Variants in GRM7 observed in about 807,000 individuals in gnomAD.
GRM7 encodes glutamate metabotropic receptor 7.
Under a neutral mutation model 84.5 loss-of-function variants are expected in GRM7, and 35 were observed. The observed-to-expected ratio is 0.41, with a 90% CI of 0.32 to 0.55. The LOEUF (loss-of-function observed/expected upper bound fraction) is 0.55, where lower values mean the gene tolerates loss of function less well. Among genes scored for constraint, GRM7 ranks in the 20% least tolerant of loss-of-function variants. The pLI is 0.19. For synonymous variants in GRM7, 487 were observed against 455.1 expected (o/e 1.07, Z -0.89); for missense variants, 1,003 against 1,194.6 (o/e 0.84, Z 2.36).
At chr3:7,387,117 G>A (rs1361339981) in intron 4 of GRM7, among the ~76,000 whole-genome samples, 1 of 151,780 alleles carries the variant, frequency 6.6e-6, no homozygotes, top group South Asian at 2.1e-4. Context: ...TCTTTTTAAA[G>A]GTCACCATTT....
intron 1 of GRM7, among the ~76,000 whole-genome samples, chr3:6,984,068 A>T (rs1236436086): frequency 6.6e-6 from 1 of 152,226 alleles, no homozygotes; most frequent in South Asian, 2.1e-4. Flanking sequence ...CAAAGCTCAC[A>T]TACTCAAAAA....
chr3:6,880,872 A>G (rs1282115453), intron 1 of GRM7, among the ~76,000 whole-genome samples: 1 of 152,212 alleles, frequency 6.6e-6, no homozygotes, highest in African/African-American at 2.4e-5. Context: ...TTGAAAGGTA[A>G]GCAATGTGTG....
chr3:7,332,130 G>C (rs1701233079), intron 4 of GRM7, among the ~76,000 whole-genome samples: 1 of 152,158 alleles, frequency 6.6e-6, no homozygotes, highest in African/African-American at 2.4e-5. Flanking sequence ...CACCACACCT[G>C]AGCAGGATAT....
At chr3:7,199,489 T>C (rs921046781) in intron 2 of GRM7, among the ~76,000 whole-genome samples, 1 of 152,252 alleles carries the variant, frequency 6.6e-6, no homozygotes, top group Non-Finnish European at 1.5e-5. Context: ...TGGAGTATCA[T>C]GCTATGCAGC....
rs372545266 is a variant in GRM7 at position 7,245,303 on chromosome 3, C to A, written c.737-53381C>A. ...AACAAGAACCTCTAGATCAAAGAAGCCAAACGAATCTCAGGCAGGGTAATA... is the reference window on the plus strand; with the variant it reads ...AACAAGAACCTCTAGATCAAAGAAGACAAACGAATCTCAGGCAGGGTAATA... On this transcript the variant is annotated intron_variant, in intron 2 of 9. Transcript: ENST00000357716. Among the ~76,000 whole-genome samples the A allele has an allele frequency of 5.9e-4, 89 of 151,830 alleles. 5 individuals are homozygous for A. The South Asian group carries it at 0.014, about 24-fold the overall frequency.
chr3:6,954,966 GGT>G (rs1692964875), intron 1 of GRM7, among the ~76,000 whole-genome samples: 1 of 152,098 alleles, frequency 6.6e-6, no homozygotes, highest in Non-Finnish European at 1.5e-5. Flanking sequence ...AATAAAGTGG[GGT>G]TAATAATATT....
intron 8 of GRM7, among the ~76,000 whole-genome samples, chr3:7,678,382 G>A (rs749068722): frequency 6.6e-6 from 1 of 152,096 alleles, no homozygotes; most frequent in Admixed American, 6.5e-5. Flanking sequence ...AGATCCCATA[G>A]GTTTGTTGAC....
At chr3:7,055,784 G>A (rs1697199106) in intron 1 of GRM7, among the ~76,000 whole-genome samples, 1 of 151,916 alleles carries the variant, frequency 6.6e-6, no homozygotes, top group Non-Finnish European at 1.5e-5. Flanking sequence ...TCCTCCCAAA[G>A]TGCTGAGATT....
chr3:7,142,748 T>C (rs1178429665), intron 1 of GRM7, among the ~76,000 whole-genome samples: 3 of 152,178 alleles, frequency 2.0e-5, no homozygotes, highest in African/African-American at 7.2e-5. Context: ...AAAATTAACC[T>C]GTTTTCTTGT....
At chr3:6,996,583 C>T (rs1048681476) in intron 1 of GRM7, among the ~76,000 whole-genome samples, 31 of 152,242 alleles carry the variant, frequency 2.0e-4, no homozygotes, top group South Asian at 2.1e-4. Flanking sequence ...TTGGGTAAAA[C>T]GTCACAACTT....
At chr3:6,930,850 T>C (rs966263726) in intron 1 of GRM7, among the ~76,000 whole-genome samples, 30 of 152,232 alleles carry the variant, frequency 2.0e-4, no homozygotes, top group African/African-American at 7.0e-4. Flanking sequence ...TTTGAGAATA[T>C]ACTAGCTGCT....
intron 1 of GRM7, among the ~76,000 whole-genome samples, chr3:7,069,705 T>C (rs11919292): frequency 0.13 from 19,953 of 152,072 alleles, 1,942 homozygotes; most frequent in African/African-American, 0.28. Context: ...GGTTGTACAG[T>C]GTGGATTTCT....
At chr3:7,725,766 T>C (rs1463669729) in intron 9 of GRM7, among the ~76,000 whole-genome samples, 1 of 152,236 alleles carries the variant, frequency 6.6e-6, no homozygotes, top group Non-Finnish European at 1.5e-5. Context: ...TGGCTGGGGC[T>C]GTCCACTTTC....
intron 1 of GRM7, among the ~76,000 whole-genome samples, chr3:7,040,738 A>G (rs1441497778): frequency 6.6e-6 from 1 of 152,090 alleles, no homozygotes; most frequent in Non-Finnish European, 1.5e-5. Flanking sequence ...TTAGAAATGT[A>G]GATCCTTAGG....
intron 8 of GRM7, among the ~76,000 whole-genome samples, chr3:7,588,848 T>C (rs185781686): frequency 6.6e-6 from 1 of 152,342 alleles, no homozygotes; most frequent in Non-Finnish European, 1.5e-5. Flanking sequence ...AACTGAGATG[T>C]GATCTCACGT....
At chr3:7,655,982 C>T (rs181452371) in intron 8 of GRM7, among the ~76,000 whole-genome samples, 49 of 152,250 alleles carry the variant, frequency 3.2e-4, no homozygotes, top group Non-Finnish European at 5.9e-4. Flanking sequence ...ACCTCAGCAT[C>T]CCAACCCATA....
At chr3:6,882,640 T>A (rs1336873546) in intron 1 of GRM7, among the ~76,000 whole-genome samples, 1 of 152,232 alleles carries the variant, frequency 6.6e-6, no homozygotes, top group Non-Finnish European at 1.5e-5. Flanking sequence ...TTTTTGTTTG[T>A]GGGGGTACAC....
chr3:7,159,358 G>A (rs902926994), intron 2 of GRM7, among the ~76,000 whole-genome samples: 2 of 152,180 alleles, frequency 1.3e-5, no homozygotes, highest in Non-Finnish European at 2.9e-5. Flanking sequence ...AGCTTTTGCA[G>A]CATGCAAGGA....
intron 2 of GRM7, among the ~76,000 whole-genome samples, chr3:7,279,099 G>A (rs2124992066): frequency 6.6e-6 from 1 of 152,216 alleles, no homozygotes; most frequent in African/African-American, 2.4e-5. Flanking sequence ...TAAGAAAACG[G>A]TATATTACAG....
Sources: gnomAD v4.1 joint callset for allele counts (sites outside exome capture counted in the v4.1 genomes callset) on GRCh38, gnomAD v4.1.1 for gene constraint, MANE v1.5 for transcripts, NCBI Gene and HGNC (gene_info 2026-07-23, HGNC 2026-07-21) for gene names.